TENM2: variants seen among roughly 807,000 people sequenced by gnomAD.
The protein encoded by TENM2 is teneurin-2.
TENM2 carries 52 observed loss-of-function variants against 245.2 expected under a neutral mutation model. The ratio of observed to expected loss-of-function variants is 0.21; its 90% CI spans 0.17 to 0.27. The LOEUF is 0.27. TENM2 is among the 10% of genes least tolerant of loss of function. The pLI is 1.00. For synonymous variants in TENM2, 1,363 were observed against 1,438.9 expected, an observed-to-expected ratio of 0.95 and a Z score of 1.19; for missense variants, 3,046 against 3,666.8, an observed-to-expected ratio of 0.83 and a Z score of 4.37.
chr5:167,284,859 C>T (rs1771244507), exon 1 of TENM2: 1 of 1,551,496 alleles, frequency 6.4e-7, no homozygotes, highest in African/African-American at 1.4e-5. Context: ...GGACCGGCGA[C>T]ACCGCTCTTT....
chr5:167,514,442 A>G (rs1030525217), intron 2 of TENM2, among the ~76,000 whole-genome samples: 2 of 152,208 alleles, frequency 1.3e-5, no homozygotes, highest in Admixed American at 6.5e-5. Flanking sequence ...TCTGCCTAGT[A>G]ACCGTGTTCA....
At chr5:166,984,959 G>C in the TENM2 span, among the ~76,000 whole-genome samples, 1 of 151,932 alleles carries the variant, frequency 6.6e-6, no homozygotes, top group African/African-American at 2.4e-5. Flanking sequence ...AGTAGTTTTT[G>C]GATTCCCAAG....
chr5:167,413,486 A>G (rs977141210), intron 2 of TENM2, among the ~76,000 whole-genome samples: 1 of 152,130 alleles, frequency 6.6e-6, no homozygotes, highest in African/African-American at 2.4e-5. Context: ...ATTATTATCC[A>G]TGCTTACGAG....
At chr5:167,784,853 C>T (rs1281382277) in intron 2 of TENM2, among the ~76,000 whole-genome samples, 1 of 152,094 alleles carries the variant, frequency 6.6e-6, no homozygotes, top group African/African-American at 2.4e-5. Context: ...ATTTGGGTTT[C>T]AATTTAAGGT....
rs773543508 is a variant in TENM2, at chr5:167,284,937, G to A, written c.100G>A (p.Val34Met). 51 of 1,551,594 alleles carry A rather than the reference G, an allele frequency of 3.3e-5. No individual in the cohort carries two copies. The highest frequency in any genetic ancestry group is 3.3e-4 in the Middle Eastern group (2 of 6,016). The change falls in exon 1 of 29, where the codon GTG (valine) becomes ATG (methionine). Residue 34 changes from valine to methionine, a missense_variant. Physicochemically the swap from Val to Met is conservative, Grantham distance 21. Around this residue, in one of 2 missense-constraint regions of TENM2, gnomAD observed 342 missense variants for 335.0 expected, o/e 1.02. Coordinates refer to ENST00000518659, the Ensembl canonical transcript of TENM2. ...CTCTCTGGACAGTGAGGACTGCCGCGTGCCCACACAGAAATCCTACAGCTC... is the reference window on the plus strand; with the variant it reads ...CTCTCTGGACAGTGAGGACTGCCGCATGCCCACACAGAAATCCTACAGCTC...
At chr5:167,229,798 G>C in the TENM2 span, among the ~76,000 whole-genome samples, 2 of 152,216 alleles carry the variant, frequency 1.3e-5, no homozygotes, top group South Asian at 2.1e-4. Context: ...TGAGCCCCAG[G>C]CTGTCAGGGA....
At chr5:167,305,441 T>C (rs1291294216) in intron 1 of TENM2, among the ~76,000 whole-genome samples, 2 of 152,216 alleles carry the variant, frequency 1.3e-5, no homozygotes, top group African/African-American at 4.8e-5. Flanking sequence ...ATGCTATAGT[T>C]TCAGCCTCAG....
chr5:167,439,443 T>C (rs1400555965), intron 2 of TENM2, among the ~76,000 whole-genome samples: 1 of 152,170 alleles, frequency 6.6e-6, no homozygotes, highest in African/African-American at 2.4e-5. Flanking sequence ...AATCCTGCCT[T>C]TGCTCATTGT....
intron 2 of TENM2, among the ~76,000 whole-genome samples, chr5:167,705,989 ATATTTATT>A (rs1215316587): frequency 4.8e-3 from 309 of 63,930 alleles, no homozygotes; most frequent in African/African-American, 0.03. Flanking sequence ...ATATATATAT[ATATTTATT>A]TATTTATTTA....
intron 2 of TENM2, among the ~76,000 whole-genome samples, chr5:167,455,916 GGT>G (rs1352410972): frequency 6.6e-6 from 1 of 152,032 alleles, no homozygotes; most frequent in Non-Finnish European, 1.5e-5. Context: ...GAGTGTCTCT[GGT>G]AGCAAGATGA....
At chr5:168,014,649 A>G (rs1419262218) in intron 5 of TENM2, among the ~76,000 whole-genome samples, 1 of 152,222 alleles carries the variant, frequency 6.6e-6, no homozygotes, top group African/African-American at 2.4e-5. Flanking sequence ...ATGCAGGGCC[A>G]TCTGTGCAAA....
chr5:167,570,090 C>T (rs1337632639), intron 2 of TENM2, among the ~76,000 whole-genome samples: 2 of 152,104 alleles, frequency 1.3e-5, no homozygotes, highest in Non-Finnish European at 2.9e-5. Context: ...CTAAACAGAA[C>T]GAATAATGTA....
intron 3 of TENM2, among the ~76,000 whole-genome samples, chr5:167,930,339 A>C (rs1267556275): frequency 6.6e-6 from 1 of 152,320 alleles, no homozygotes; most frequent in Non-Finnish European, 1.5e-5. Flanking sequence ...GGAACAAATA[A>C]GTTAGTGATA....
intron 2 of TENM2, among the ~76,000 whole-genome samples, chr5:167,671,761 T>C (rs1353890889): frequency 6.8e-6 from 1 of 147,098 alleles, no homozygotes; most frequent in Non-Finnish European, 1.5e-5. Flanking sequence ...AGCTACAGAT[T>C]ATATATATAT....
At chr5:166,995,352 G>A in the TENM2 span, among the ~76,000 whole-genome samples, 1 of 151,866 alleles carries the variant, frequency 6.6e-6, no homozygotes, top group South Asian at 2.1e-4. Flanking sequence ...CCATTCTCCT[G>A]CCTCAGCCTC....
At chr5:167,705,861 T>C (rs1758467522) in intron 2 of TENM2, among the ~76,000 whole-genome samples, 1 of 151,626 alleles carries the variant, frequency 6.6e-6, no homozygotes, top group Admixed American at 6.6e-5. Flanking sequence ...TGGTATCATG[T>C]AGCAGTTGTC....
intron 2 of TENM2, among the ~76,000 whole-genome samples, chr5:167,390,353 G>A (rs1200065235): frequency 6.6e-6 from 1 of 152,062 alleles, no homozygotes; most frequent in Non-Finnish European, 1.5e-5. Flanking sequence ...AACAAACCAA[G>A]GATAGAATTG....
chr5:167,345,092 C>G (rs1165409706), intron 1 of TENM2, among the ~76,000 whole-genome samples: 1 of 152,190 alleles, frequency 6.6e-6, no homozygotes, highest in South Asian at 2.1e-4. Context: ...AACCCTTACT[C>G]TCCACATTTG....
At chr5:168,131,498 T>G (rs1001899072) in intron 12 of TENM2, among the ~76,000 whole-genome samples, 1 of 152,078 alleles carries the variant, frequency 6.6e-6, no homozygotes, top group Non-Finnish European at 1.5e-5. Flanking sequence ...TCGGTGCTTG[T>G]GATGTTAATA....
Sources: allele counts gnomAD v4.1 joint callset (sites outside exome capture counted in the v4.1 genomes callset), GRCh38; gene constraint gnomAD v4.1.1; regional missense constraint gnomAD v4.1.1; transcripts MANE v1.5; gene names NCBI Gene and HGNC (gene_info 2026-07-23, HGNC 2026-07-21).